The following ERC2 variants were observed in gnomAD, a reference collection of about 807,000 sequenced individuals.
The protein encoded by ERC2 is ERC protein 2.
A neutral mutation model predicts 114.8 loss-of-function variants in ERC2; 42 were observed. The observed-to-expected ratio is 0.37, with a 90% CI of 0.29 to 0.47. ERC2 has a LOEUF of 0.47. Among genes scored for constraint, ERC2 ranks in the 20% least tolerant of loss-of-function variants. The probability of loss-of-function intolerance (pLI) is 0.99; values close to 1 mark genes in which losing one functional copy is unlikely to be tolerated. For synonymous variants in ERC2, 454 were observed against 425.5 expected (o/e 1.07, Z -0.82); for missense variants, 939 against 1,150.7 (o/e 0.82, Z 2.66).
At chr3:56,252,757 CAAAAAAAA>C (rs71099628) in intron 3 of ERC2, among the ~76,000 whole-genome samples, 1 of 74,194 alleles carries the variant, frequency 1.3e-5, no homozygotes, top group Non-Finnish European at 2.5e-5. Context: ...AACTCTGTCT[CAAAAAAAA>C]AAAAAAAAAA....
chr3:55,869,907 G>T, intron 14 of ERC2, among the ~76,000 whole-genome samples: 1 of 152,220 alleles, frequency 6.6e-6, no homozygotes, highest in Non-Finnish European at 1.5e-5. Flanking sequence ...ACAGAGAGGC[G>T]AGAAGATTCT....
intron 1 of ERC2, among the ~76,000 whole-genome samples, chr3:56,454,616 A>G (rs2062974293): frequency 1.3e-5 from 2 of 152,184 alleles, no homozygotes; most frequent in Admixed American, 1.3e-4. Context: ...TGAGGAGGCC[A>G]AGGTGGGTGG....
At chr3:56,400,841 G>A (rs1004801346) in intron 2 of ERC2, among the ~76,000 whole-genome samples, 18 of 152,250 alleles carry the variant, frequency 1.2e-4, no homozygotes, top group Middle Eastern at 6.8e-3. Flanking sequence ...TTAGTCTGAC[G>A]TATGCTAAGA....
At chr3:56,364,071 C>T (rs570615114) in intron 2 of ERC2, among the ~76,000 whole-genome samples, 2 of 152,284 alleles carry the variant, frequency 1.3e-5, no homozygotes, top group South Asian at 2.1e-4. Context: ...TCATAATATG[C>T]TGCTAAATTT....
intron 10 of ERC2, among the ~76,000 whole-genome samples, chr3:55,994,119 C>T (rs1273535767): frequency 3.3e-5 from 5 of 152,132 alleles, no homozygotes; most frequent in Non-Finnish European, 7.4e-5. Context: ...TACTGTATTA[C>T]CATTCTTTTA....
intron 17 of ERC2, among the ~76,000 whole-genome samples, chr3:55,624,560 G>A (rs1004497954): frequency 7.9e-5 from 12 of 152,206 alleles, no homozygotes; most frequent in Admixed American, 3.3e-4. Context: ...CTTGGCCAGT[G>A]ACTAGACATG....
chr3:55,804,325 T>C (rs1270143132), intron 14 of ERC2, among the ~76,000 whole-genome samples: 1 of 152,142 alleles, frequency 6.6e-6, no homozygotes, highest in Non-Finnish European at 1.5e-5. Flanking sequence ...CATGTACCCA[T>C]TAAACACATT....
chr3:55,888,513 G>T lies in ERC2; in HGVS notation c.2440C>A (p.Gln814Lys). 1.2e-6 allele frequency: 2 copies of T among 1,613,888 alleles called. No homozygotes were observed. The highest frequency in any genetic ancestry group is 8.5e-7 in the Non-Finnish European group (1 of 1,179,848). Residue 814 changes from glutamine (Q) to lysine (K), a missense_variant, in exon 14 of 18, where the codon CAG becomes AAG. By Grantham distance (53) the Gln-to-Lys change is moderately conservative (BLOSUM62 1). Coordinates refer to ENST00000288221, the MANE Select transcript of ERC2 (RefSeq NM_015576.3). ...CGTGCTTTGGTGGCATCCAGTTCCT[G>T]TCTGGTCTTCTCCAGTGCATTCATC... ...ELMNALEKTRQELDATKARLA... is the reference protein window; with the variant it reads ...ELMNALEKTRKELDATKARLA...
intron 2 of ERC2, among the ~76,000 whole-genome samples, chr3:56,333,053 A>G (rs1367742000): frequency 4.6e-5 from 7 of 152,260 alleles, no homozygotes; most frequent in Admixed American, 2.0e-4. Flanking sequence ...GCTTTTTCCA[A>G]TATGCAACAC....
chr3:56,415,277 G>C (rs959224613), intron 2 of ERC2, among the ~76,000 whole-genome samples: 11 of 152,228 alleles, frequency 7.2e-5, no homozygotes. Flanking sequence ...TGGATAGATA[G>C]ACAGATGGGT....
chr3:56,464,690 G>A (rs2063462476), intron 1 of ERC2, among the ~76,000 whole-genome samples: 1 of 151,776 alleles, frequency 6.6e-6, no homozygotes, highest in Admixed American at 6.6e-5. Flanking sequence ...TTAAATTTAT[G>A]AGATCTACAT....
chr3:56,146,329 C>T (rs777045303), intron 5 of ERC2, among the ~76,000 whole-genome samples: 4 of 151,872 alleles, frequency 2.6e-5, no homozygotes, highest in African/African-American at 4.8e-5. Context: ...AATTAAGAAA[C>T]GTAAGTAATT....
At chr3:56,329,039 T>G (rs540267182) in intron 2 of ERC2, among the ~76,000 whole-genome samples, 1 of 152,292 alleles carries the variant, frequency 6.6e-6, no homozygotes, top group South Asian at 2.1e-4. Context: ...GCTTAGATAT[T>G]TCTCTATTTA....
At chr3:56,360,681 G>C (rs1471291129) in intron 2 of ERC2, among the ~76,000 whole-genome samples, 2 of 152,138 alleles carry the variant, frequency 1.3e-5, no homozygotes, top group East Asian at 3.9e-4. Context: ...GCCAAGGCAG[G>C]CAGATCATTT....
intron 2 of ERC2, among the ~76,000 whole-genome samples, chr3:56,315,469 A>G (rs2056820152): frequency 6.6e-6 from 1 of 152,188 alleles, no homozygotes; most frequent in Non-Finnish European, 1.5e-5. Flanking sequence ...ATCTTGAGTA[A>G]TATCTGTTTG....
chr3:55,955,298 TATAA>T, intron 12 of ERC2: 1 of 399,216 alleles, frequency 2.5e-6, no homozygotes, highest in Admixed American at 2.7e-5. Context: ...GTAAGTGGGG[TATAA>T]ATACACACAT....
At position 55,555,704 on chromosome 3, in the gene ERC2, C is replaced by T. The variant is rs191697069; in HGVS notation, c.*40-44428G>A. Among the ~76,000 whole-genome samples, 204 of 152,284 alleles carry T rather than the reference C, an allele frequency of 1.3e-3. 2 individuals are homozygous for T. The highest frequency in any genetic ancestry group is 3.4e-3 in the Middle Eastern group (1 of 294). ...TGAGATGAAGCCTTTAGTGTGACGGCAAGTGAACCTGCAAGGCCCCTGCCT... is the reference window on the plus strand; with the variant it reads ...TGAGATGAAGCCTTTAGTGTGACGGTAAGTGAACCTGCAAGGCCCCTGCCT... On this transcript the variant is annotated intron_variant, in intron 17 of 17. Coordinates refer to ENST00000288221, the MANE Select transcript of ERC2 (RefSeq NM_015576.3).
intron 14 of ERC2, among the ~76,000 whole-genome samples, chr3:55,880,704 T>C (rs1400703514): frequency 6.6e-6 from 1 of 152,068 alleles, no homozygotes; most frequent in Non-Finnish European, 1.5e-5. Context: ...CTAGGACACA[T>C]TACCATAGTA....
intron 5 of ERC2, among the ~76,000 whole-genome samples, 199 bp from the exon 6 acceptor site, chr3:56,139,875 A>G (rs1460676497): frequency 6.6e-6 from 1 of 152,166 alleles, no homozygotes; most frequent in African/African-American, 2.4e-5. Context: ...AAGGTCACTG[A>G]GAGTATAGGA....
Sources: allele counts gnomAD v4.1 joint callset (sites outside exome capture counted in the v4.1 genomes callset), GRCh38; gene constraint gnomAD v4.1.1; transcripts MANE v1.5; gene names NCBI Gene and HGNC (gene_info 2026-07-23, HGNC 2026-07-21).